Variants in LRP1B observed in about 807,000 individuals in gnomAD.
LRP1B encodes the protein low-density lipoprotein receptor-related protein 1B.
In LRP1B, 217 loss-of-function variants were observed where a neutral mutation model predicts 556.6. That is an observed-to-expected ratio of 0.39 (90% CI 0.35 to 0.44). The LOEUF (loss-of-function observed/expected upper bound fraction) is 0.44. LRP1B is among the 20% of genes least tolerant of loss of function. LRP1B has a pLI of 1.00. For synonymous variants in LRP1B, 2,047 were observed against 1,865.8 expected (o/e 1.10, Z -2.50); for missense variants, 5,053 against 5,620.8 (o/e 0.90, Z 3.23).
intron 1 of LRP1B, among the ~76,000 whole-genome samples, chr2:141,968,299 A>T (rs1701621354): frequency 6.6e-6 from 1 of 151,882 alleles, no homozygotes; most frequent in Non-Finnish European, 1.5e-5. Flanking sequence ...TTTCATGATT[A>T]ATCAGTGGTA....
At chr2:140,304,766 T>C (rs1228740156) in intron 83 of LRP1B, among the ~76,000 whole-genome samples, 1 of 152,224 alleles carries the variant, frequency 6.6e-6, no homozygotes, top group Non-Finnish European at 1.5e-5. Context: ...CTAGGTTTTC[T>C]TCTAGGGTTT....
intron 2 of LRP1B, among the ~76,000 whole-genome samples, chr2:141,745,461 C>G (rs1176854322): frequency 6.6e-6 from 1 of 152,124 alleles, no homozygotes; most frequent in Non-Finnish European, 1.5e-5. Flanking sequence ...TGGCCACCAC[C>G]ACCACAGGTC....
At chr2:140,865,917 C>T (rs1285286666) in intron 27 of LRP1B, among the ~76,000 whole-genome samples, 1 of 152,026 alleles carries the variant, frequency 6.6e-6, no homozygotes, top group East Asian at 1.9e-4. Flanking sequence ...ATCAGGAAAG[C>T]TTGAGAGTAT....
At chr2:141,867,435 C>G (rs1044600447) in intron 1 of LRP1B, among the ~76,000 whole-genome samples, 1 of 151,964 alleles carries the variant, frequency 6.6e-6, no homozygotes, top group Non-Finnish European at 1.5e-5. Flanking sequence ...TATATGTTTT[C>G]AAATAAATAA....
At chr2:140,501,344 A>G (rs1689176612) in intron 55 of LRP1B, among the ~76,000 whole-genome samples, 1 of 152,142 alleles carries the variant, frequency 6.6e-6, no homozygotes, top group South Asian at 2.1e-4. Flanking sequence ...TGTACTGAAG[A>G]GAGAATGAGG....
At chr2:141,199,243 T>C (rs1681892989) in intron 6 of LRP1B, among the ~76,000 whole-genome samples, 1 of 152,172 alleles carries the variant, frequency 6.6e-6, no homozygotes, top group African/African-American at 2.4e-5. Context: ...CATCTCAGCT[T>C]ACTAGACTTT....
At chr2:140,294,634 T>C (rs1364989288) in intron 84 of LRP1B, among the ~76,000 whole-genome samples, 1 of 152,156 alleles carries the variant, frequency 6.6e-6, no homozygotes, top group Non-Finnish European at 1.5e-5. Context: ...GTGGTTTTAC[T>C]AGAATAAAGG....
intron 86 of LRP1B, among the ~76,000 whole-genome samples, chr2:140,255,985 T>C (rs1448072048): frequency 6.6e-6 from 1 of 152,192 alleles, no homozygotes; most frequent in African/African-American, 2.4e-5. Flanking sequence ...TGGGCGTATG[T>C]AAATTGTGTA....
intron 2 of LRP1B, among the ~76,000 whole-genome samples, chr2:141,761,751 C>T (rs1694557782): frequency 6.6e-6 from 1 of 152,070 alleles, no homozygotes; most frequent in Non-Finnish European, 1.5e-5. Flanking sequence ...TGCCAAAAAC[C>T]CAGCTTCAAA....
At chr2:141,085,444 G>T (rs1212963106) in intron 7 of LRP1B, among the ~76,000 whole-genome samples, 2 of 152,112 alleles carry the variant, frequency 1.3e-5, no homozygotes, top group Non-Finnish European at 2.9e-5. Context: ...TAATTAGACT[G>T]ATGTCCTTGT....
chr2:141,844,599 T>A (rs1697582368), intron 1 of LRP1B, among the ~76,000 whole-genome samples: 1 of 152,064 alleles, frequency 6.6e-6, no homozygotes, highest in Non-Finnish European at 1.5e-5. Flanking sequence ...TATGTCTAGC[T>A]TAAAAACAAT....
chr2:141,001,079 T>C (rs748517576), intron 15 of LRP1B, among the ~76,000 whole-genome samples: 7 of 152,074 alleles, frequency 4.6e-5, no homozygotes, highest in Non-Finnish European at 8.8e-5. Flanking sequence ...CTCAAAATAC[T>C]ATTCAAATGT....
chr2:140,312,328 C>T (rs1684337295), intron 83 of LRP1B, among the ~76,000 whole-genome samples: 1 of 151,912 alleles, frequency 6.6e-6, no homozygotes, highest in Admixed American at 6.6e-5. Flanking sequence ...AATGTTGTCT[C>T]AAAAGTACAA....
At chr2:142,031,891 A>G (rs1703725070) in intron 1 of LRP1B, among the ~76,000 whole-genome samples, 2 of 151,828 alleles carry the variant, frequency 1.3e-5, no homozygotes, top group Non-Finnish European at 2.9e-5. Flanking sequence ...TCTTCATAAA[A>G]GAATGTGAGG....
chr2:141,907,140 G>A (rs1263478257), intron 1 of LRP1B, among the ~76,000 whole-genome samples: 1 of 151,994 alleles, frequency 6.6e-6, no homozygotes, highest in Non-Finnish European at 1.5e-5. Flanking sequence ...CTGCTTTACT[G>A]TGTATCTGCT....
intron 41 of LRP1B, among the ~76,000 whole-genome samples, chr2:140,615,548 G>A (rs1337885036): frequency 6.6e-6 from 1 of 152,068 alleles, no homozygotes; most frequent in Non-Finnish European, 1.5e-5. Flanking sequence ...ACATGACTTG[G>A]TTATGCTTAA....
chr2:141,542,019 G>C (rs1685278356), intron 2 of LRP1B, among the ~76,000 whole-genome samples: 1 of 151,550 alleles, frequency 6.6e-6, no homozygotes, highest in Non-Finnish European at 1.5e-5. Context: ...AACCCTAAAA[G>C]ATTATTCCTG....
At chr2:141,098,292 G>A (rs1047246950) in intron 7 of LRP1B, among the ~76,000 whole-genome samples, 1 of 152,076 alleles carries the variant, frequency 6.6e-6, no homozygotes, top group Non-Finnish European at 1.5e-5. Flanking sequence ...GAAAAAAATG[G>A]TTATTATTCA....
chr2:141,537,242 T>C (rs1236542075), intron 2 of LRP1B, among the ~76,000 whole-genome samples: 1 of 152,044 alleles, frequency 6.6e-6, no homozygotes, highest in Non-Finnish European at 1.5e-5. Flanking sequence ...TAAAGGAAAA[T>C]ATATGCATTA....
Sources: allele counts gnomAD v4.1 joint callset (sites outside exome capture counted in the v4.1 genomes callset), GRCh38; gene constraint gnomAD v4.1.1; transcripts MANE v1.5; gene names NCBI Gene and HGNC (gene_info 2026-07-23, HGNC 2026-07-21).